The following INTS4 variants were observed in gnomAD, a reference collection of about 807,000 sequenced individuals.
INTS4 encodes MSTP093.
Under a neutral mutation model 119.5 loss-of-function variants are expected in INTS4, and 70 were observed. That is an observed-to-expected ratio of 0.59 (90% CI 0.48 to 0.71). The LOEUF is 0.71. Ranked by LOEUF, INTS4 falls within the 30% of genes least tolerant of loss-of-function variation. INTS4 has a pLI of 0.00. For missense variants in INTS4, 867 were observed against 1,173.2 expected (o/e 0.74, Z 3.81); for synonymous variants, 316 against 419.6 (o/e 0.75, Z 3.02).
chr11:77,888,206 G>T (rs1264793503), intron 21 of INTS4, among the ~76,000 whole-genome samples: 1 of 152,220 alleles, frequency 6.6e-6, no homozygotes, highest in Non-Finnish European at 1.5e-5. Context: ...GAACAGCATG[G>T]TACTGTTACC....
At chr11:77,894,505 G>A (rs921041825) in intron 18 of INTS4, among the ~76,000 whole-genome samples, 156 bp from the exon 19 acceptor site, 3 of 152,156 alleles carry the variant, frequency 2.0e-5, no homozygotes, top group African/African-American at 4.8e-5. Context: ...ATGGACCTGG[G>A]GGAAACACCT....
At chr11:77,994,133 C>T (rs1280654801) in intron 1 of INTS4, among the ~76,000 whole-genome samples, 1 of 152,048 alleles carries the variant, frequency 6.6e-6, no homozygotes, top group Non-Finnish European at 1.5e-5. Flanking sequence ...CTTCTTTCAG[C>T]CCCTTAGAAC....
At chr11:77,991,330 G>C in intron 1 of INTS4, 31 bp from the exon 2 acceptor site, 1 of 1,556,492 alleles carries the variant, frequency 6.4e-7, no homozygotes, top group Non-Finnish European at 8.8e-7. Flanking sequence ...CGAAAACACA[G>C]AATCTGCAAA....
intron 8 of INTS4, among the ~76,000 whole-genome samples, chr11:77,946,110 C>T (rs1447567736): frequency 6.6e-6 from 1 of 152,246 alleles, no homozygotes. Context: ...TTAGCCTGTA[C>T]ATGTCTTGGC....
At chr11:77,951,657 A>T (rs2136556621) in intron 8 of INTS4, among the ~76,000 whole-genome samples, 1 of 152,360 alleles carries the variant, frequency 6.6e-6, no homozygotes, top group South Asian at 2.1e-4. Context: ...GCCAAAATTG[A>T]CAAATGGGAT....
chr11:77,891,948 AGAG>A (rs1952288729), intron 19 of INTS4, 108 bp from the exon 20 acceptor site: 1 of 1,557,294 alleles, frequency 6.4e-7, no homozygotes, highest in East Asian at 2.3e-5. Flanking sequence ...TGATGAAGTG[AGAG>A]GAGCTTGCAG....
chr11:77,911,746 T>C (rs1419877998), intron 15 of INTS4, among the ~76,000 whole-genome samples: 1 of 152,258 alleles, frequency 6.6e-6, no homozygotes, highest in African/African-American at 2.4e-5. Flanking sequence ...CTATGGGCTC[T>C]AATGAGAAAG....
At chr11:77,963,482 T>C (rs939453857) in intron 4 of INTS4, 11 of 415,490 alleles carry the variant, frequency 2.6e-5, no homozygotes, top group Non-Finnish European at 4.2e-5. Context: ...TGTCAGGCCA[T>C]TGAAGTGCCA....
chr11:77,921,589 A>C, intron 13 of INTS4, 116 bp from the exon 14 acceptor site: 1 of 674,480 alleles, frequency 1.5e-6, no homozygotes, highest in Non-Finnish European at 2.7e-6. Flanking sequence ...CTAATAATCA[A>C]AGAAATGCAA....
chr11:77,913,532 C>T (rs1345385664), intron 15 of INTS4, among the ~76,000 whole-genome samples: 8 of 152,050 alleles, frequency 5.3e-5, no homozygotes, highest in East Asian at 1.9e-4. Context: ...AGGATGGTCT[C>T]GATCTCCTGA....
intron 18 of INTS4, among the ~76,000 whole-genome samples, chr11:77,894,908 C>A (rs1328400244): frequency 1.3e-5 from 2 of 152,154 alleles, no homozygotes; most frequent in African/African-American, 4.8e-5. Context: ...GGTCTACATG[C>A]AATTTACTCA....
At chr11:77,945,260 G>A (rs1954020975) in intron 8 of INTS4, among the ~76,000 whole-genome samples, 1 of 152,220 alleles carries the variant, frequency 6.6e-6, no homozygotes, top group South Asian at 2.1e-4. Flanking sequence ...ATAAAGGAGA[G>A]TCCTTAAGTC....
chr11:77,960,859 G>C, intron 5 of INTS4, 94 bp downstream of exon 5: 6 of 1,138,712 alleles, frequency 5.3e-6, no homozygotes, highest in South Asian at 1.7e-5. Context: ...AGTATATGCT[G>C]AAGAATTTAC....
At chr11:77,986,670 C>T (rs973073495) in intron 2 of INTS4, among the ~76,000 whole-genome samples, 7 of 152,120 alleles carry the variant, frequency 4.6e-5, no homozygotes, top group African/African-American at 1.2e-4. Context: ...AAAAAGGATG[C>T]GTTCATGTCC....
chr11:77,954,973 T>C (rs1565269791), intron 8 of INTS4, among the ~76,000 whole-genome samples: 1 of 152,224 alleles, frequency 6.6e-6, no homozygotes, highest in Non-Finnish European at 1.5e-5. Context: ...GTTAATAGAA[T>C]TATGTTTTAA....
chr11:77,901,919 T>A (rs1952789936), intron 17 of INTS4, among the ~76,000 whole-genome samples: 1 of 151,858 alleles, frequency 6.6e-6, no homozygotes, highest in South Asian at 2.1e-4. Flanking sequence ...CCCCACAAAG[T>A]CCTCAAGAAT....
At chr11:77,960,312 C>T (rs1185846683) in intron 6 of INTS4, 29 bp downstream of exon 6, 3 of 1,552,410 alleles carry the variant, frequency 1.9e-6, no homozygotes, top group Admixed American at 1.7e-5. Flanking sequence ...TACCTCCAAC[C>T]CCTTCCAGAC....
intron 8 of INTS4, among the ~76,000 whole-genome samples, chr11:77,951,249 T>C (rs1310884468): frequency 6.6e-6 from 1 of 152,146 alleles, no homozygotes; most frequent in Non-Finnish European, 1.5e-5. Flanking sequence ...AGTAATGGGA[T>C]TGCTGGGTCA....
chr11:77,954,899 G>GA (rs1477632893), intron 8 of INTS4, among the ~76,000 whole-genome samples: 1 of 152,040 alleles, frequency 6.6e-6, no homozygotes, highest in East Asian at 1.9e-4. Flanking sequence ...TAATAAATGG[G>GA]AAAAACTTTT....
Sources: allele counts gnomAD v4.1 joint callset (sites outside exome capture counted in the v4.1 genomes callset), GRCh38; gene constraint gnomAD v4.1.1; transcripts MANE v1.5; gene names NCBI Gene and HGNC (gene_info 2026-07-23, HGNC 2026-07-21).